PPFIA3: variants seen among roughly 807,000 people sequenced by gnomAD.
PPFIA3 encodes the protein PPFI scaffold protein A3, also known as liprin-alpha-3.
In PPFIA3, 26 loss-of-function variants were observed where a neutral mutation model predicts 145.8. That is an observed-to-expected ratio of 0.18 (90% CI 0.13 to 0.25). PPFIA3 has a LOEUF of 0.25. Among genes scored for constraint, PPFIA3 ranks in the 10% least tolerant of loss-of-function variants. The pLI, the probability that PPFIA3 is intolerant of heterozygous loss-of-function variation, is 1.00. For missense variants in PPFIA3, 1,008 were observed against 1,587.8 expected (o/e 0.63, Z 6.21); for synonymous variants, 645 against 661.4 (o/e 0.98, Z 0.38).
At position 49,138,206 on chromosome 19, in the gene PPFIA3, C is replaced by T. The variant is rs144259604; in HGVS notation, c.1855C>T (p.Leu619=). The change falls in exon 16 of 30, where the codon CTG becomes TTG. Residue 619 remains leucine, a splice_region_variant and synonymous_variant. Coordinates refer to ENST00000334186, the MANE Select transcript of PPFIA3 (RefSeq NM_003660.4). ...AGTTTCCCCTATTTCCCTCCTCAGG[C>T]TGATCCAAGAGGAGAAGGAGACAAC... is the stretch of plus-strand genomic sequence containing the variant. ...QLEAINKEIK[L]IQEEKETTEQ... 10 of 1,587,852 alleles carry T rather than the reference C, an allele frequency of 6.3e-6. No homozygotes were observed. Among genetic ancestry groups the T allele is most frequent in the Non-Finnish European group, 8.6e-6 (10 of 1,160,778 alleles).
In PPFIA3 at chr19:49,149,311, A is replaced by T; in HGVS notation, c.3340A>T (p.Arg1114Trp). Residue 1114 changes from arginine (R) to tryptophan (W), a missense_variant, in exon 27 of 30, where the codon AGG becomes TGG. Around this residue, in one of 11 missense-constraint regions of PPFIA3, gnomAD observed 125 missense variants for 159.3 expected, o/e 0.78. Coordinates refer to ENST00000334186, the MANE Select transcript of PPFIA3 (RefSeq NM_003660.4). The surrounding 1 kb of genome is among the most constrained non-coding windows in gnomAD (Gnocchi z 5.7). Reference protein sequence around the residue: ...FSNLISLGTDRRLDEDSAKSF... With the variant: ...FSNLISLGTDWRLDEDSAKSF... ...CAACCTTATCTCCTTAGGCACAGAC[A>T]GGCGGCTGGACGAGGTGGGCGCGGC... The T allele has an allele frequency of 1.9e-6, 3 of 1,614,112 alleles. No homozygotes were observed. The highest frequency in any genetic ancestry group is 1.7e-6 in the Non-Finnish European group (2 of 1,180,032).
At chr19:49,148,830 G>A in intron 25 of PPFIA3, 67 bp downstream of exon 25, 2 of 1,546,304 alleles carry the variant, frequency 1.3e-6, no homozygotes, top group Non-Finnish European at 1.8e-6. Context: ...GGGAGGAGAG[G>A]GGGTAGGGGG....
At chr19:49,132,519 G>T (rs1258890815) in intron 7 of PPFIA3, among the ~76,000 whole-genome samples, 1 of 151,754 alleles carries the variant, frequency 6.6e-6, no homozygotes, top group Admixed American at 6.6e-5. Context: ...CCAGATGAGG[G>T]TCCATCTCCC....
At chr19:49,132,005 G>A (rs1199354593) in intron 7 of PPFIA3, among the ~76,000 whole-genome samples, 9 of 118,210 alleles carry the variant, frequency 7.6e-5, no homozygotes, top group Non-Finnish European at 4.8e-5. Context: ...GCGAGACTCC[G>A]TCTCAAAAAA....
rs145438444 is a variant in PPFIA3 at position 49,128,319 on chromosome 19, A to G, written c.241-48A>G. On this transcript the variant is annotated intron_variant, in intron 2 of 29. Coordinates refer to ENST00000334186, the MANE Select transcript of PPFIA3 (RefSeq NM_003660.4). The surrounding 1 kb of genome is among the most constrained non-coding windows in gnomAD (Gnocchi z 4.1). ...TCCAGTCCCAGTGAATGAAGGAGAC[A>G]GGGAAAGGATTGAGCCGAATGTCCA... The G allele has an allele frequency of 1.4e-3, 2,177 of 1,585,904 alleles. 5 individuals are homozygous for G. Among genetic ancestry groups the G allele is most frequent in the Non-Finnish European group, 1.7e-3 (2,001 of 1,154,694 alleles).
chr19:49,128,256 A>G lies in PPFIA3; in HGVS notation c.241-111A>G. 1 of 1,487,956 alleles carries G rather than the reference A, an allele frequency of 6.7e-7. No individual in the cohort carries two copies. Among genetic ancestry groups the G allele is most frequent in the Non-Finnish European group, 9.3e-7 (1 of 1,079,570 alleles). The allele number at this position is 1,487,956 out of a possible 1,614,324, so 92.2% of individuals were successfully genotyped here. A position where few individuals can be genotyped will look rare whatever the true frequency, so the allele number is the denominator to read the frequency against. On this transcript the variant is annotated intron_variant, in intron 2 of 29. Transcript: ENST00000334186. The surrounding 1 kb of genome is among the most constrained non-coding windows in gnomAD (Gnocchi z 4.1). ...ATGGGCGGGGCCTGAGTGGCAAGGG[A>G]CAGCGGGACTTAGCAGGGAGGGCGG...
In PPFIA3 at chr19:49,149,841, C is replaced by T. The variant is rs1314260728; in HGVS notation, c.3526+123C>T. 7.8e-6 allele frequency: 10 copies of T among 1,281,704 alleles called. No homozygotes were observed. The highest frequency in any genetic ancestry group is 1.1e-5 in the Non-Finnish European group (10 of 947,152). 79.4% of individuals were successfully genotyped at this position (1,281,704 alleles called of 1,614,324 possible). ...TCGCCCACCCCTGAGGAATGGACTG[C>T]TCCAACGTTCCGGACTCCCCCGTCA... On this transcript the variant is annotated intron_variant, in intron 28 of 29. Coordinates refer to ENST00000334186, the MANE Select transcript of PPFIA3 (RefSeq NM_003660.4). This position sits in a 1 kb window ranked among gnomAD's most constrained non-coding sequence, Gnocchi z 5.7.
At position 49,146,340 on chromosome 19, in the gene PPFIA3, C is replaced by G. The variant is rs1261720145; in HGVS notation, c.2835+148C>G. The G allele has an allele frequency of 4.0e-6, 4 of 1,008,238 alleles. No homozygotes were observed. In the Admixed American group the frequency reaches 1.1e-4, roughly 28 times the overall value. 62.5% of individuals were successfully genotyped at this position (1,008,238 alleles called of 1,614,324 possible). ...GCGCCAAGCTTGGCTCTGGACTGTT[C>G]CATTATGGCTTGGCGGTGGGGAGGG... On this transcript the variant is annotated intron_variant, in intron 23 of 29. Transcript: ENST00000334186.
intron 5 of PPFIA3, 107 bp from the exon 6 acceptor site, chr19:49,129,886 G>A (rs923702936): frequency 2.6e-6 from 3 of 1,169,138 alleles, no homozygotes; most frequent in African/African-American, 3.1e-5. Context: ...ACGACCGGAG[G>A]CATCTCATAT....
At position 49,149,824 on chromosome 19, in the gene PPFIA3, C is replaced by A; in HGVS notation, c.3526+106C>A. 7.3e-7 allele frequency: 1 copy of A among 1,373,634 alleles called. No homozygotes were observed. Among genetic ancestry groups the A allele is most frequent in the Non-Finnish European group, 9.8e-7 (1 of 1,024,132 alleles). 85.1% of individuals were successfully genotyped at this position (1,373,634 alleles called of 1,614,324 possible). On this transcript the variant is annotated intron_variant, in intron 28 of 29. Transcript: ENST00000334186. This position sits in a 1 kb window ranked among gnomAD's most constrained non-coding sequence, Gnocchi z 5.7. ...AATGGCCTAGTCCTTTCTCGCCCAC[C>A]CCTGAGGAATGGACTGCTCCAACGT...
intron 22 of PPFIA3, 30 bp downstream of exon 22, chr19:49,146,035 G>A (rs376145205): frequency 3.7e-6 from 6 of 1,612,058 alleles, no homozygotes; most frequent in East Asian, 2.2e-5. Context: ...CGCCTTGGGG[G>A]TGGCACTAAC....
Position 49,149,654 on chromosome 19 carries a change from T to C in PPFIA3, c.3462T>C (p.Phe1154=), listed in dbSNP as rs373183227. 1.2e-6 allele frequency: 2 copies of C among 1,614,128 alleles called. No individual in the cohort carries two copies. The highest frequency in any genetic ancestry group is 1.7e-6 in the Non-Finnish European group (2 of 1,180,006). ...PDSAEMLPPN[F]RSAAAGALGS... ...CAGCTGAGATGTTGCCCCCCAACTT[T>C]CGTTCGGCTGCAGCGGGAGCCCTGG... is the stretch of plus-strand genomic sequence containing the variant. Residue 1154 remains phenylalanine (F), a synonymous_variant, in exon 28 of 30, where the codon TTT becomes TTC. Coordinates refer to ENST00000334186, the MANE Select transcript of PPFIA3 (RefSeq NM_003660.4). This position sits in a 1 kb window ranked among gnomAD's most constrained non-coding sequence, Gnocchi z 5.7.
intron 15 of PPFIA3, 95 bp downstream of exon 15, chr19:49,137,006 C>T (rs1301110421): frequency 1.7e-6 from 2 of 1,176,516 alleles, no homozygotes; most frequent in East Asian, 2.7e-5. Context: ...AGTCCGTCTC[C>T]TCTTACACCA....
chr19:49,130,555 A>C lies in PPFIA3; in HGVS notation c.835A>C (p.Lys279Gln), dbSNP rs1371083962. Reference sequence around the variant, plus strand: ...GGGCACCGCGCACCGTGAGCTGGGCAAGGCAGAGGAAGCCAACTCCAAGCT... The same window carrying C: ...GGGCACCGCGCACCGTGAGCTGGGCCAGGCAGAGGAAGCCAACTCCAAGCT... Reference protein sequence around the residue: ...ELGTAHRELGKAEEANSKLQR... With the variant: ...ELGTAHRELGQAEEANSKLQR... The change falls in exon 7 of 30, where the codon AAG becomes CAG. Residue 279 changes from lysine (K) to glutamine (Q), a missense_variant. By Grantham distance (53) the Lys-to-Gln change is moderately conservative (BLOSUM62 1). Transcript: ENST00000334186. The surrounding 1 kb of genome is among the most constrained non-coding windows in gnomAD (Gnocchi z 4.5). The C allele has an allele frequency of 1.3e-6, 2 of 1,568,762 alleles. No individual in the cohort carries two copies. The highest frequency in any genetic ancestry group is 3.8e-5 in the Admixed American group (2 of 52,676).
rs186813403 is a variant in PPFIA3 at position 49,124,922 on chromosome 19, C to A, written c.-15-2937C>A. Among the ~76,000 whole-genome samples, 573 of 152,032 alleles carry A rather than the reference C, an allele frequency of 3.8e-3. 4 individuals carry two copies. The highest frequency in any genetic ancestry group is 0.013 in the African/African-American group (554 of 41,516). ...TACTAAACATACAAAAAATAATTAG[C>A]CGGGCGTGGCGGCACGAGCCTGTAG... On this transcript the variant is annotated intron_variant, in intron 1 of 29. Transcript: ENST00000334186.
chr19:49,149,409 T>C lies in PPFIA3; in HGVS notation c.3354+84T>C. On this transcript the variant is annotated intron_variant, in intron 27 of 29. Transcript: ENST00000334186. The surrounding 1 kb of genome is among the most constrained non-coding windows in gnomAD (Gnocchi z 5.7). ...TGAGGGGGCGGGGCCTGACTATTAA[T>C]GGTCACGGTTGGAGGCGGGGCCAGG... 6.3e-7 allele frequency: 1 copy of C among 1,588,110 alleles called. No homozygotes were observed. The highest frequency in any genetic ancestry group is 8.6e-7 in the Non-Finnish European group (1 of 1,157,724).
intron 21 of PPFIA3, chr19:49,145,596 A>G (rs2041271141): frequency 3.3e-6 from 1 of 304,126 alleles, no homozygotes; most frequent in African/African-American, 2.2e-5. Context: ...CCCCCCCGCC[A>G]TACTCCCTAA....
chr19:49,128,514 G>C lies in PPFIA3; in HGVS notation c.342+46G>C. 5 of 1,540,526 alleles carry C rather than the reference G, an allele frequency of 3.2e-6. No homozygotes were observed. The highest frequency in any genetic ancestry group is 4.5e-6 in the Non-Finnish European group (5 of 1,118,930). On this transcript the variant is annotated intron_variant, in intron 3 of 29. Transcript: ENST00000334186. This position sits in a 1 kb window ranked among gnomAD's most constrained non-coding sequence, Gnocchi z 4.1. The stretch of plus-strand genomic sequence containing the variant: ...GGCCTAAGTGGGGGCGGGGCCTCGT[G>C]GTGTTGAAGTGGGGGGCGGGGCCTC...
chr19:49,138,891 A>G (rs2041174292), intron 16 of PPFIA3, among the ~76,000 whole-genome samples: 2 of 152,082 alleles, frequency 1.3e-5, no homozygotes, highest in Non-Finnish European at 2.9e-5. Flanking sequence ...GAATCAATTG[A>G]ACCCAAGAGG....
Sources: allele counts gnomAD v4.1 joint callset (sites outside exome capture counted in the v4.1 genomes callset), GRCh38; gene constraint gnomAD v4.1.1; regional missense constraint gnomAD v4.1.1; non-coding constraint Gnocchi (gnomAD v3.1); transcripts MANE v1.5; gene names NCBI Gene and HGNC (gene_info 2026-07-23, HGNC 2026-07-21).